The following BAHCC1 variants were observed in gnomAD, a reference collection of about 807,000 sequenced individuals.
BAHCC1 encodes the protein BAH domain and coiled-coil containing 1, also known as BAH and coiled-coil domain-containing protein 1.
A neutral mutation model predicts 88.2 loss-of-function variants in BAHCC1; 43 were observed. The observed-to-expected ratio is 0.49, with a 90% CI of 0.38 to 0.63. The LOEUF (loss-of-function observed/expected upper bound fraction) is 0.63, where lower values mean the gene tolerates loss of function less well. Among genes scored for constraint, BAHCC1 ranks in the 20% least tolerant of loss-of-function variants. The pLI is 0.00. For synonymous variants in BAHCC1, 1,510 were observed against 745.5 expected (o/e 2.03, Z -16.71); for missense variants, 3,023 against 1,654.8 (o/e 1.83, Z -14.34).
At chr17:81,451,629 G>C (rs781891890) in intron 11 of BAHCC1, 39 bp from the exon 12 acceptor site, 9 of 754,154 alleles carry the variant, frequency 1.2e-5, no homozygotes, top group Non-Finnish European at 2.2e-5. Flanking sequence ...GGCAGTGTGT[G>C]CCCAGTTATG....
chr17:81,463,046 C>T (rs1013958208), intron 27 of BAHCC1, 70 bp downstream of exon 27: 10 of 717,280 alleles, frequency 1.4e-5, no homozygotes, highest in Non-Finnish European at 2.3e-5. Flanking sequence ...CAGCAGCCAG[C>T]ACTGTGCCCC....
rs782401354 is a variant in BAHCC1 at position 81,443,088 on chromosome 17, A to G, written c.1739A>G (p.His580Arg). ...GCATCCCTGGGCTACAGTGGGCCCC[A>G]CCTGCCCCCATGGGGTGTCCAGGCA... Reference protein sequence around the residue: ...ELASLGYSGPHLPPWGVQAGQ... With the variant: ...ELASLGYSGPRLPPWGVQAGQ... The change falls in exon 5 of 28, where the codon CAC becomes CGC. Residue 580 changes from histidine (H) to arginine (R), a missense_variant. Transcript: ENST00000675386. 1.3e-6 allele frequency: 1 copy of G among 778,234 alleles called. No homozygotes were observed. The highest frequency in any genetic ancestry group is 2.4e-6 in the Non-Finnish European group (1 of 417,610). 48.2% of individuals were successfully genotyped at this position (778,234 alleles called of 1,614,324 possible). A position where few individuals can be genotyped will look rare whatever the true frequency, so the allele number is the denominator to read the frequency against.
chr17:81,446,499 G>A (rs1555654359), intron 10 of BAHCC1, among the ~76,000 whole-genome samples: 1 of 135,994 alleles, frequency 7.4e-6, no homozygotes, highest in East Asian at 2.5e-4. Flanking sequence ...TTAGGGGAAT[G>A]AGGGCCTGGC....
In BAHCC1 at chr17:81,458,782, C is replaced by G. The variant is rs546128141; in HGVS notation, c.5449-31C>G. ...GCACCCACCTGCACCCCGCCTGCAC[C>G]CCACCCAAGCCTGACTCCTCTGGCC... On this transcript the variant is annotated intron_variant, in intron 19 of 27. Coordinates refer to ENST00000675386, the MANE Select transcript of BAHCC1 (RefSeq NM_001377448.1). The G allele has an allele frequency of 6.6e-6, 5 of 757,866 alleles. No individual in the cohort carries two copies. In the South Asian group the frequency reaches 6.9e-5, roughly 10 times the overall value. 46.9% of individuals were successfully genotyped at this position (757,866 alleles called of 1,614,324 possible).
chr17:81,462,728 T>C lies in BAHCC1; in HGVS notation c.7384-12T>C. On this transcript the variant is annotated splice_polypyrimidine_tract_variant and intron_variant, in intron 26 of 27. Coordinates refer to ENST00000675386, the MANE Select transcript of BAHCC1 (RefSeq NM_001377448.1). The stretch of plus-strand genomic sequence containing the variant: ...CGGCCTCTCAGAGCCACCCTGCCCA[T>C]GTCCCCCACAGCGGCGTGGCATGAA... 1 of 740,908 alleles carries C rather than the reference T, an allele frequency of 1.3e-6. No homozygotes were observed. Among genetic ancestry groups the C allele is most frequent in the Non-Finnish European group, 2.5e-6 (1 of 395,946 alleles). The allele number at this position is 740,908 out of a possible 1,614,324, so 45.9% of individuals were successfully genotyped here. A position where few individuals can be genotyped will look rare whatever the true frequency, so the allele number is the denominator to read the frequency against.
intron 10 of BAHCC1, 31 bp downstream of exon 10, chr17:81,445,712 T>A: frequency 1.4e-6 from 1 of 714,098 alleles, no homozygotes; most frequent in Non-Finnish European, 2.6e-6. Context: ...CGGCCCACTG[T>A]GCTCCGCTCC....
intron 15 of BAHCC1, 77 bp from the exon 16 acceptor site, chr17:81,456,218 CAG>C (rs1168957850): frequency 1.5e-6 from 1 of 665,006 alleles, no homozygotes; most frequent in East Asian, 2.7e-5. Context: ...CGGGCATCAA[CAG>C]AGAGGCACCT....
At chr17:81,418,800 T>C (rs1159080400) in intron 2 of BAHCC1, among the ~76,000 whole-genome samples, 5 of 67,984 alleles carry the variant, frequency 7.4e-5, no homozygotes, top group African/African-American at 2.8e-4. Flanking sequence ...TGTGTGCGTG[T>C]GTGTGTGTAC....
intron 2 of BAHCC1, among the ~76,000 whole-genome samples, chr17:81,425,319 TG>T (rs1381200200): frequency 9.6e-6 from 1 of 104,164 alleles, no homozygotes; most frequent in African/African-American, 3.9e-5. Context: ...GTGATGTGGT[TG>T]GGGGTGATAG....
In BAHCC1 at chr17:81,410,084, G is replaced by A. The variant is rs1329180561; in HGVS notation, c.178+10167G>A. The A allele has an allele frequency of 2.1e-5, 8 of 374,756 alleles. No individual in the cohort carries two copies. The East Asian group carries it at 7.2e-4, about 34-fold the overall frequency. The allele number at this position is 374,756 out of a possible 1,614,324, so 23.2% of individuals were successfully genotyped here. A position where few individuals can be genotyped will look rare whatever the true frequency, so the allele number is the denominator to read the frequency against. On this transcript the variant is annotated intron_variant, in intron 2 of 27. Coordinates refer to ENST00000675386, the MANE Select transcript of BAHCC1 (RefSeq NM_001377448.1). The stretch of plus-strand genomic sequence containing the variant: ...AAATGGGCAGTTGCCCTGCCCTGCT[G>A]GAGGGTTGAGTGGGACTGGGGGATG...
chr17:81,417,954 G>A (rs923313468), intron 2 of BAHCC1, among the ~76,000 whole-genome samples: 10 of 152,146 alleles, frequency 6.6e-5, no homozygotes, highest in African/African-American at 1.9e-4. Flanking sequence ...CCATCCTTTC[G>A]CACCTCGTTT....
chr17:81,418,796 C>CGTGTATGTGTGTGCGCGCAT (rs1764659787), intron 2 of BAHCC1, among the ~76,000 whole-genome samples: 1 of 144,800 alleles, frequency 6.9e-6, no homozygotes, highest in African/African-American at 2.6e-5. Flanking sequence ...TACGTGTGTG[C>CGTGTATGTGTGTGCGCGCAT]GTGTGTGTGT....
rs782766916 is a variant in BAHCC1, at chr17:81,447,765, G to T, written c.3893G>T (p.Ser1298Ile). 6.7e-6 allele frequency: 5 copies of T among 747,468 alleles called. No individual in the cohort carries two copies. The Admixed American group carries it at 9.2e-5, about 14-fold the overall frequency. The allele number at this position is 747,468 out of a possible 1,614,324, so 46.3% of individuals were successfully genotyped here. ...GPPSTVPLPH[S>I]SGIHGIALLS... is the part of the protein sequence containing the mutation. ...CCCAGCACAGTCCCCCTGCCTCATA[G>T]CTCAGGGATTCATGGGATCGCTCTG... The change falls in exon 11 of 28, where the codon AGC (serine) becomes ATC (isoleucine). Residue 1298 changes from serine to isoleucine, a missense_variant. Physicochemically the swap from Ser to Ile is moderately radical, Grantham distance 142. Coordinates refer to ENST00000675386, the MANE Select transcript of BAHCC1 (RefSeq NM_001377448.1).
chr17:81,447,737 C>A lies in BAHCC1; in HGVS notation c.3865C>A (p.Pro1289Thr), dbSNP rs374971809. Reference sequence around the variant, plus strand: ...CCCTCAGCCCCCAGCGGCCTCTGGGCCCCCCAGCACAGTCCCCCTGCCTCA... The same window carrying A: ...CCCTCAGCCCCCAGCGGCCTCTGGGACCCCCAGCACAGTCCCCCTGCCTCA... ...PDPQPPAASG[P>T]PSTVPLPHSS... Residue 1289 changes from proline to threonine, a missense_variant, in exon 11 of 28, where the codon CCC (proline) becomes ACC (threonine). By Grantham distance (38) the Pro-to-Thr change is conservative (BLOSUM62 -1). Transcript: ENST00000675386. 2,794 of 734,230 alleles carry A rather than the reference C, an allele frequency of 3.8e-3. 59 individuals carry two copies. Among genetic ancestry groups the A allele is most frequent in the South Asian group, 0.035 (2,426 of 68,868 alleles). 45.5% of individuals were successfully genotyped at this position (734,230 alleles called of 1,614,324 possible). A position where few individuals can be genotyped will look rare whatever the true frequency, so the allele number is the denominator to read the frequency against.
At chr17:81,438,645 G>C (rs1555652098) in intron 4 of BAHCC1, among the ~76,000 whole-genome samples, 153 bp downstream of exon 4, 1 of 152,120 alleles carries the variant, frequency 6.6e-6, no homozygotes, top group East Asian at 1.9e-4. Context: ...GAGAGGGTGG[G>C]CCTGCCCCTC....
At chr17:81,395,894 T>C (rs2063741847) in intron 1 of BAHCC1, 1 of 152,114 alleles carries the variant, frequency 6.6e-6, no homozygotes, top group South Asian at 2.1e-4. Flanking sequence ...ACCCCCGTAA[T>C]GCATCCTTGC....
At chr17:81,412,572 C>T (rs550177610) in intron 2 of BAHCC1, among the ~76,000 whole-genome samples, 1 of 152,262 alleles carries the variant, frequency 6.6e-6, no homozygotes, top group Admixed American at 6.5e-5. Context: ...GGAGCAGCCA[C>T]CACGCTTCAG....
chr17:81,447,451 G>A lies in BAHCC1; in HGVS notation c.3579G>A (p.Gly1193=), dbSNP rs1469625151. 2.7e-6 allele frequency: 2 copies of A among 742,498 alleles called. No homozygotes were observed. The highest frequency in any genetic ancestry group is 1.9e-5 in the Admixed American group (1 of 52,778). The allele number at this position is 742,498 out of a possible 1,614,324, so 46.0% of individuals were successfully genotyped here. The change falls in exon 11 of 28, where the codon GGG becomes GGA. Residue 1193 remains glycine, a synonymous_variant. Coordinates refer to ENST00000675386, the MANE Select transcript of BAHCC1 (RefSeq NM_001377448.1). The stretch of plus-strand genomic sequence containing the variant: ...GGAGCAGGGAGGAGGGGGAGCAGGG[G>A]CCCTCGTCAGGGGCCTCCTCCCAAG... ...EERSREEGEQ[G]PSSGASSQVL...
In BAHCC1 at chr17:81,442,433, G is replaced by A. The variant is rs782554780; in HGVS notation, c.1084G>A (p.Gly362Ser). 21 of 708,344 alleles carry A rather than the reference G, an allele frequency of 3.0e-5. No homozygotes were observed. The highest frequency in any genetic ancestry group is 2.7e-4 in the East Asian group (10 of 37,352). 43.9% of individuals were successfully genotyped at this position (708,344 alleles called of 1,614,324 possible). A position where few individuals can be genotyped will look rare whatever the true frequency, so the allele number is the denominator to read the frequency against. ...ACCCCCGCCCCTCAGCACAGCCGCC[G>A]GCTCCTTCCCCTGCCTGCAGCTGCA... ...GPPPPLSTAA[G>S]SFPCLQLHGG... The change falls in exon 5 of 28, where the codon GGC becomes AGC. Residue 362 changes from glycine to serine, a missense_variant. Gly to Ser is a moderately conservative substitution (Grantham distance 56). Coordinates refer to ENST00000675386, the MANE Select transcript of BAHCC1 (RefSeq NM_001377448.1).
Sources: allele counts gnomAD v4.1 joint callset (sites outside exome capture counted in the v4.1 genomes callset), GRCh38; gene constraint gnomAD v4.1.1; transcripts MANE v1.5; gene names NCBI Gene and HGNC (gene_info 2026-07-23, HGNC 2026-07-21).